SMOC2: variants seen among roughly 807,000 people sequenced by gnomAD.
SMOC2 encodes the protein SPARC-related modular calcium-binding protein 2.
In SMOC2, 39 loss-of-function variants were observed where a neutral mutation model predicts 61.4. That is an observed-to-expected ratio of 0.64 (90% confidence interval 0.49 to 0.83). The LOEUF (loss-of-function observed/expected upper bound fraction) is 0.83, where lower values mean the gene tolerates loss of function less well. Ranked by LOEUF, SMOC2 falls within the 40% of genes least tolerant of loss-of-function variation. The pLI, the probability that SMOC2 is intolerant of heterozygous loss-of-function variation, is 0.00. For synonymous variants in SMOC2, 247 were observed against 239.9 expected (o/e 1.03, Z -0.27); for missense variants, 556 against 592.9 (o/e 0.94, Z 0.65).
intron 9 of SMOC2, among the ~76,000 whole-genome samples, chr6:168,624,752 C>G (rs1786349345): frequency 6.7e-6 from 1 of 149,218 alleles, no homozygotes; most frequent in Non-Finnish European, 1.5e-5. Context: ...TTCACACACA[C>G]TCACAGACAC....
At chr6:168,463,436 T>C (rs1456522155) in intron 1 of SMOC2, among the ~76,000 whole-genome samples, 4 of 152,096 alleles carry the variant, frequency 2.6e-5, no homozygotes, top group African/African-American at 9.7e-5. Context: ...AGCAGTTATT[T>C]TGAGGGGTTT....
rs751172101 is a variant in SMOC2 at position 168,664,099 on chromosome 6, G to A, written c.1311G>A (p.Thr437=). The A allele has an allele frequency of 2.9e-5, 47 of 1,603,250 alleles. No individual in the cohort carries two copies. The highest frequency in any genetic ancestry group is 8.9e-5 in the East Asian group (4 of 44,796). ...CCCCCAGAGGTCATGCTGAAAGTACGTCTAATAGACAGGTAAGTATGTTTA... is the reference window on the plus strand; with the variant it reads ...CCCCCAGAGGTCATGCTGAAAGTACATCTAATAGACAGGTAAGTATGTTTA... ...RHTPRGHAES[T]SNRQPRKQG is the part of the protein sequence containing the mutation. Residue 437 remains threonine, a synonymous_variant, in exon 12 of 13, where the codon ACG becomes ACA. Coordinates refer to ENST00000356284, the MANE Select transcript of SMOC2 (RefSeq NM_001166412.2).
In SMOC2 at chr6:168,554,700, G is replaced by A. The variant is rs1784206685; in HGVS notation, c.637+5497G>A. Among the ~76,000 whole-genome samples the A allele has an allele frequency of 2.6e-5, 4 of 152,250 alleles. No homozygotes were observed. In the South Asian group the frequency reaches 8.3e-4, roughly 32 times the overall value. ...GGCTGGCAGTTAAAGGCAATTTGGTGTTCGTGGCCCACTGGCAAGGTGAAT... is the reference window on the plus strand; with the variant it reads ...GGCTGGCAGTTAAAGGCAATTTGGTATTCGTGGCCCACTGGCAAGGTGAAT... On this transcript the variant is annotated intron_variant, in intron 7 of 12. Transcript: ENST00000356284.
intron 8 of SMOC2, 59 bp downstream of exon 8, chr6:168,599,063 A>G (rs1785410633): frequency 6.8e-7 from 1 of 1,472,628 alleles, no homozygotes; most frequent in Non-Finnish European, 9.1e-7. Flanking sequence ...TGTGGAAGCC[A>G]GGAAAGCAGA....
In SMOC2 at chr6:168,452,130, A is replaced by G. The variant is rs983459231; in HGVS notation, c.84+10676A>G. 1.6e-4 allele frequency among the ~76,000 whole-genome samples: 24 copies of G among 152,168 alleles called. No homozygotes were observed. Among genetic ancestry groups the G allele is most frequent in the Non-Finnish European group, 3.4e-4 (23 of 68,026 alleles). ...TTTCTGCCACCTTGCCTGCAAAAATACCCCACGGGCCTGCTGCCCCAAGTG... is the reference window on the plus strand; with the variant it reads ...TTTCTGCCACCTTGCCTGCAAAAATGCCCCACGGGCCTGCTGCCCCAAGTG... On this transcript the variant is annotated intron_variant, in intron 1 of 12. Transcript: ENST00000356284. This position sits in a 1 kb window ranked among gnomAD's most constrained non-coding sequence, Gnocchi z 5.0.
At chr6:168,582,074 T>G (rs1366837785) in intron 7 of SMOC2, among the ~76,000 whole-genome samples, 1 of 152,174 alleles carries the variant, frequency 6.6e-6, no homozygotes, top group Non-Finnish European at 1.5e-5. Flanking sequence ...CATCTCAAGC[T>G]CCAGTTTGGA....
At chr6:168,592,383 A>G (rs1785207683) in intron 7 of SMOC2, among the ~76,000 whole-genome samples, 1 of 116,578 alleles carries the variant, frequency 8.6e-6, no homozygotes, top group Admixed American at 9.4e-5. Flanking sequence ...ATCTTTCTAG[A>G]GGATCTCCGA....
intron 6 of SMOC2, among the ~76,000 whole-genome samples, 157 bp from the exon 7 acceptor site, chr6:168,548,972 G>A (rs922315007): frequency 1.1e-4 from 17 of 152,204 alleles, no homozygotes; most frequent in African/African-American, 4.1e-4. Context: ...CCTTTCGTCT[G>A]AGGCATATAA....
chr6:168,597,835 C>A (rs896865696), intron 7 of SMOC2, among the ~76,000 whole-genome samples: 3 of 152,226 alleles, frequency 2.0e-5, no homozygotes, highest in Admixed American at 1.3e-4. Context: ...GCTCTCCCCC[C>A]AGGTGAGGGC....
At chr6:168,612,520 G>A (rs1785905758) in intron 9 of SMOC2, among the ~76,000 whole-genome samples, 1 of 149,920 alleles carries the variant, frequency 6.7e-6, no homozygotes, top group South Asian at 2.1e-4. Flanking sequence ...CCATCGGGGA[G>A]AGGGTGACCC....
intron 2 of SMOC2, among the ~76,000 whole-genome samples, chr6:168,513,251 T>A (rs1232874515): frequency 6.6e-6 from 1 of 152,230 alleles, no homozygotes; most frequent in African/African-American, 2.4e-5. Flanking sequence ...TCCCTAAGCA[T>A]CCATTCTTAT....
chr6:168,526,574 G>A (rs892710759), intron 3 of SMOC2, 122 bp downstream of exon 3: 1 of 729,214 alleles, frequency 1.4e-6, no homozygotes, highest in African/African-American at 1.8e-5. Flanking sequence ...TGTTCTCTGG[G>A]GAAATCAGCC....
chr6:168,492,581 G>A (rs1038874553), intron 1 of SMOC2, among the ~76,000 whole-genome samples: 19 of 152,198 alleles, frequency 1.2e-4, no homozygotes, highest in Admixed American at 9.2e-4. Context: ...CATCTGTTAC[G>A]AATTTCATAG....
At chr6:168,619,011 C>G (rs1257960206) in intron 9 of SMOC2, among the ~76,000 whole-genome samples, 1 of 152,118 alleles carries the variant, frequency 6.6e-6, no homozygotes, top group African/African-American at 2.4e-5. Flanking sequence ...GCTAGAATAT[C>G]AGAGAACCAA....
At chr6:168,514,890 A>C (rs187220019) in intron 2 of SMOC2, among the ~76,000 whole-genome samples, 43 of 152,192 alleles carry the variant, frequency 2.8e-4, no homozygotes, top group African/African-American at 9.2e-4. Context: ...TGGTTGGTCC[A>C]TCTCTCTGGG....
intron 7 of SMOC2, among the ~76,000 whole-genome samples, chr6:168,559,339 C>T (rs1342197727): frequency 6.6e-6 from 1 of 151,938 alleles, no homozygotes; most frequent in Non-Finnish European, 1.5e-5. Flanking sequence ...CCTATAATCC[C>T]AGATACTCAG....
chr6:168,639,709 A>T (rs1786842578), intron 9 of SMOC2, among the ~76,000 whole-genome samples: 1 of 151,888 alleles, frequency 6.6e-6, no homozygotes, highest in South Asian at 2.1e-4. Flanking sequence ...TTCCATCATC[A>T]GGTGGACCAG....
chr6:168,446,339 G>C (rs1392554324), intron 1 of SMOC2, among the ~76,000 whole-genome samples: 1 of 152,162 alleles, frequency 6.6e-6, no homozygotes, highest in African/African-American at 2.4e-5. Flanking sequence ...CTCCAGCCTG[G>C]GTGACAGAGT....
At chr6:168,457,473 G>A (rs535520237) in intron 1 of SMOC2, among the ~76,000 whole-genome samples, 11 of 152,292 alleles carry the variant, frequency 7.2e-5, no homozygotes, top group South Asian at 4.1e-4. Flanking sequence ...TGTGTTTCCC[G>A]TCGGGTGCCC....
Sources: gnomAD v4.1 joint callset for allele counts (sites outside exome capture counted in the v4.1 genomes callset) on GRCh38, gnomAD v4.1.1 for gene constraint, Gnocchi (gnomAD v3.1) non-coding constraint, MANE v1.5 for transcripts, NCBI Gene and HGNC (gene_info 2026-07-23, HGNC 2026-07-21) for gene names.